Variants in SEMA4B observed in about 807,000 individuals in gnomAD.
The protein encoded by SEMA4B is semaphorin-4B.
In SEMA4B, 55 loss-of-function variants were observed where a neutral mutation model predicts 88.1. The ratio of observed to expected loss-of-function variants is 0.62; its 90% confidence interval spans 0.50 to 0.78. The LOEUF (loss-of-function observed/expected upper bound fraction) is 0.78. Ranked by LOEUF, SEMA4B falls within the 30% of genes least tolerant of loss-of-function variation. The probability of loss-of-function intolerance (pLI) is 0.00; values close to 1 mark genes in which losing one functional copy is unlikely to be tolerated. For missense variants in SEMA4B, 1,062 were observed against 1,111.9 expected (o/e 0.96, Z 0.64); for synonymous variants, 525 against 473.6 (o/e 1.11, Z -1.41).
chr15:90,220,307 G>T (rs1961747034), intron 4 of SEMA4B: 2 of 170,844 alleles, frequency 1.2e-5, no homozygotes, highest in African/African-American at 2.4e-5. Flanking sequence ...ACCTGGGTTT[G>T]AATCACATTG....
Position 90,201,470 on chromosome 15 carries a change from G to T in SEMA4B, c.-109G>T, listed in dbSNP as rs1407922691. 6.1e-6 allele frequency: 8 copies of T among 1,306,254 alleles called. No homozygotes were observed. Among genetic ancestry groups the T allele is most frequent in the Non-Finnish European group, 7.8e-6 (8 of 1,030,724 alleles). The allele number at this position is 1,306,254 out of a possible 1,614,324, so 80.9% of individuals were successfully genotyped here. Reference sequence around the variant, plus strand: ...TCCCGCCCCCCAGGTCCGGAGGCGGGGGCCCCCGGGGCGACTCGGGGGCGG... The same window carrying T: ...TCCCGCCCCCCAGGTCCGGAGGCGGTGGCCCCCGGGGCGACTCGGGGGCGG... On this transcript the variant is annotated 5_prime_UTR_variant, in exon 1 of 14. Coordinates refer to ENST00000411539, the MANE Select transcript of SEMA4B (RefSeq NM_198925.4).
chr15:90,217,721 C>A (rs1014672527), intron 2 of SEMA4B, 46 bp from the exon 3 acceptor site: 2 of 1,603,894 alleles, frequency 1.2e-6, no homozygotes, highest in Non-Finnish European at 1.7e-6. Flanking sequence ...GGAGGCTCAG[C>A]AAACCCTCCA....
chr15:90,207,107 A>G (rs1354441038), intron 1 of SEMA4B: 1 of 295,486 alleles, frequency 3.4e-6, no homozygotes, highest in Non-Finnish European at 6.5e-6. Flanking sequence ...TGTGGCAGAG[A>G]TGGTCACAGA....
intron 1 of SEMA4B, among the ~76,000 whole-genome samples, chr15:90,205,324 C>G (rs750702430): frequency 2.0e-5 from 3 of 152,182 alleles, no homozygotes; most frequent in South Asian, 2.1e-4. Flanking sequence ...GCCCTCAGCC[C>G]GGTTACTGGC....
At position 90,212,337 on chromosome 15, in the gene SEMA4B, C is replaced by G. The variant is rs563139080; in HGVS notation, c.158-5102C>G. ...GCCTTGGTGAAGCCCCTGGCTGAAG[C>G]CTGTCGGGGTGGAGGGAGAGGGTTC... On this transcript the variant is annotated intron_variant, in intron 1 of 13. Transcript: ENST00000411539. This position sits in a 1 kb window ranked among gnomAD's most constrained non-coding sequence, Gnocchi z 4.0. Among the ~76,000 whole-genome samples the G allele has an allele frequency of 5.9e-5, 9 of 152,244 alleles. No homozygotes were observed. In the East Asian group the frequency reaches 1.5e-3, roughly 26 times the overall value.
chr15:90,227,437 T>C (rs997557727), intron 12 of SEMA4B, 120 bp from the exon 13 acceptor site: 3 of 729,366 alleles, frequency 4.1e-6, no homozygotes, highest in Non-Finnish European at 6.9e-6. Flanking sequence ...TGCTGACTCC[T>C]GTGGGTGGGG....
Position 90,221,031 on chromosome 15 carries a change from T to G in SEMA4B, c.533T>G (p.Leu178Arg), listed in dbSNP as rs769553735. 6.2e-7 allele frequency: 1 copy of G among 1,611,512 alleles called. No individual in the cohort carries two copies. The stretch of plus-strand genomic sequence containing the variant: ...AGGGACGAGAAGGGGAATGTCCTCC[T>G]GGAAGATGGCAAGGGCCGTTGTCCC... The part of the protein sequence containing the change: ...LARDEKGNVL[L>R]EDGKGRCPFD... The change falls in exon 5 of 14, where the codon CTG becomes CGG. Residue 178 changes from leucine (L) to arginine (R), a missense_variant. Physicochemically the swap from Leu to Arg is moderately radical, Grantham distance 102. Coordinates refer to ENST00000411539, the MANE Select transcript of SEMA4B (RefSeq NM_198925.4).
chr15:90,211,694 G>A (rs796714397), intron 1 of SEMA4B, among the ~76,000 whole-genome samples: 76 of 152,294 alleles, frequency 5.0e-4, no homozygotes, highest in African/African-American at 1.8e-3. Context: ...GTGACTTATC[G>A]TGACATCCCT....
chr15:90,188,171 T>C lies in SEMA4B; in HGVS notation c.-122+3090T>C, dbSNP rs150450401. ...CAGTCTCTACAAAAAATACAAAAAT[T>C]AGCCGAGCATGGTGGCCCATGCCTG... On this transcript the variant is annotated intron_variant, in intron 1 of 14. Coordinates refer to the SEMA4B transcript ENST00000332496. 3.3e-5 allele frequency among the ~76,000 whole-genome samples: 5 copies of C among 151,410 alleles called. No individual in the cohort carries two copies. The East Asian group carries it at 9.8e-4, about 30-fold the overall frequency.
chr15:90,207,279 G>A (rs570568493), intron 1 of SEMA4B, among the ~76,000 whole-genome samples: 4 of 152,012 alleles, frequency 2.6e-5, no homozygotes, highest in Middle Eastern at 3.4e-3. Context: ...ACAGGCTTCC[G>A]AGAGGTGGGG....
At chr15:90,222,577 A>T (rs988403111) in intron 7 of SEMA4B, among the ~76,000 whole-genome samples, 1 of 152,050 alleles carries the variant, frequency 6.6e-6, no homozygotes, top group Non-Finnish European at 1.5e-5. Context: ...CAAAAAAAAA[A>T]ATGTGAAAAT....
rs950188756 is a variant in SEMA4B, at chr15:90,215,053, T to C, written c.158-2386T>C. The C allele has an allele frequency of 4.1e-6, 5 of 1,205,524 alleles. No individual in the cohort carries two copies. In the African/African-American group the frequency reaches 7.9e-5, roughly 19 times the overall value. The allele number at this position is 1,205,524 out of a possible 1,614,324, so 74.7% of individuals were successfully genotyped here. Reference sequence around the variant, plus strand: ...CAGCTTCGTGAGACTGTTTGTGTGGTCATAACCCACTGGTCCGCTACAACG... The same window carrying C: ...CAGCTTCGTGAGACTGTTTGTGTGGCCATAACCCACTGGTCCGCTACAACG... On this transcript the variant is annotated intron_variant, in intron 1 of 13. Coordinates refer to ENST00000411539, the MANE Select transcript of SEMA4B (RefSeq NM_198925.4).
intron 1 of SEMA4B, among the ~76,000 whole-genome samples, chr15:90,211,943 G>A (rs1179281765): frequency 6.6e-6 from 1 of 152,154 alleles, no homozygotes; most frequent in Non-Finnish European, 1.5e-5. Context: ...TAGAGAGAAA[G>A]GTGGGGTGGG....
At chr15:90,185,978 G>T (rs1441691207) in intron 1 of SEMA4B, among the ~76,000 whole-genome samples, 1 of 133,102 alleles carries the variant, frequency 7.5e-6, no homozygotes, top group Non-Finnish European at 1.5e-5. Flanking sequence ...CTATCCTCCA[G>T]GCTACAGTGC....
intron 1 of SEMA4B, chr15:90,206,865 AC>A: frequency 1.4e-6 from 1 of 715,154 alleles, no homozygotes; most frequent in East Asian, 2.6e-5. Context: ...GAGAGGGGAA[AC>A]CCCGTAAAGT....
intron 1 of SEMA4B, among the ~76,000 whole-genome samples, chr15:90,210,732 A>AG (rs55958297): frequency 0.3 from 45,034 of 151,888 alleles, 7,215 homozygotes; most frequent in Middle Eastern, 0.4. Context: ...AGGTACCTAG[A>AG]GGACGGGGTG....
At position 90,185,139 on chromosome 15, in the gene SEMA4B, G is replaced by C. The variant is rs541403384; in HGVS notation, c.-122+58G>C. On this transcript the variant is annotated intron_variant, in intron 1 of 14. Transcript: ENST00000332496. ...CCGCTGCCCGGGAGGTGGCGGACCAGGCGAAAACCGCCGCGCAGCCGCTGC... is the reference window on the plus strand; with the variant it reads ...CCGCTGCCCGGGAGGTGGCGGACCACGCGAAAACCGCCGCGCAGCCGCTGC... The C allele has an allele frequency of 7.8e-5, 70 of 901,440 alleles. No individual in the cohort carries two copies. The African/African-American group carries it at 9.3e-4, about 12-fold the overall frequency. 55.8% of individuals were successfully genotyped at this position (901,440 alleles called of 1,614,324 possible).
chr15:90,228,639 T>C lies in SEMA4B; in HGVS notation c.2510T>C (p.Val837Ala), dbSNP rs1962337254. The change falls in exon 14 of 14, where the codon GTG becomes GCG. Residue 837 changes from valine (V) to alanine (A), a missense_variant. Physicochemically the swap from Val to Ala is moderately conservative, Grantham distance 64. Transcript: ENST00000411539. ...RLGSEIRDSV[V>A] ...GGCTCGGAGATCCGTGACTCTGTGG[T>C]GTGAGAGCTGACTTCCAGAGGACGC... is the stretch of plus-strand genomic sequence containing the variant. 5 of 1,613,146 alleles carry C rather than the reference T, an allele frequency of 3.1e-6. No individual in the cohort carries two copies. The East Asian group carries it at 1.1e-4, about 36-fold the overall frequency.
chr15:90,190,196 G>A (rs72760439), intron 1 of SEMA4B: 1 of 152,228 alleles, frequency 6.6e-6, no homozygotes, highest in Non-Finnish European at 1.5e-5. Flanking sequence ...TGGATCTTTG[G>A]TGCCACCCTC....
Sources: gnomAD v4.1 joint callset for allele counts (sites outside exome capture counted in the v4.1 genomes callset) on GRCh38, gnomAD v4.1.1 for gene constraint, Gnocchi (gnomAD v3.1) non-coding constraint, MANE v1.5 for transcripts, NCBI Gene and HGNC (gene_info 2026-07-23, HGNC 2026-07-21) for gene names.